The following BABAM2 variants were observed in gnomAD, a reference collection of about 807,000 sequenced individuals.
The protein encoded by BABAM2 is BRISC and BRCA1 A complex member 2.
Under a neutral mutation model 54.7 loss-of-function variants are expected in BABAM2, and 31 were observed. The ratio of observed to expected loss-of-function variants is 0.57; its 90% CI spans 0.43 to 0.77. The LOEUF (loss-of-function observed/expected upper bound fraction) is 0.77. Among genes scored for constraint, BABAM2 ranks in the 30% least tolerant of loss-of-function variants. The probability of loss-of-function intolerance (pLI) is 0.00; values close to 1 mark genes in which losing one functional copy is unlikely to be tolerated. For synonymous variants in BABAM2, 167 were observed against 162.9 expected, an observed-to-expected ratio of 1.03 and a Z score of -0.19; for missense variants, 364 against 455.8, an observed-to-expected ratio of 0.80 and a Z score of 1.83.
intron 10 of BABAM2, among the ~76,000 whole-genome samples, chr2:28,260,030 A>C (rs1054460856): frequency 1.3e-5 from 2 of 151,804 alleles, no homozygotes; most frequent in African/African-American, 4.8e-5. Flanking sequence ...CCTCTCAAGT[A>C]GCTGGGATTA....
chr2:27,924,688 A>G (rs1049895929), intron 2 of BABAM2, among the ~76,000 whole-genome samples: 3 of 152,104 alleles, frequency 2.0e-5, no homozygotes, highest in African/African-American at 7.2e-5. Context: ...CCCTGCCCCT[A>G]TGCTCTTTTT....
chr2:28,127,633 T>C (rs1166093105), intron 6 of BABAM2, among the ~76,000 whole-genome samples: 1 of 152,090 alleles, frequency 6.6e-6, no homozygotes, highest in African/African-American at 2.4e-5. Context: ...CATGTCACAC[T>C]CATCCATCTT....
chr2:27,900,595 T>A (rs940534140), intron 2 of BABAM2, among the ~76,000 whole-genome samples: 1 of 152,156 alleles, frequency 6.6e-6, no homozygotes, highest in Non-Finnish European at 1.5e-5. Context: ...AATGAATGAG[T>A]TAGATGTTTT....
At chr2:28,185,383 C>A (rs1676170041) in intron 7 of BABAM2, among the ~76,000 whole-genome samples, 1 of 152,172 alleles carries the variant, frequency 6.6e-6, no homozygotes. Context: ...GTGTTTTGAT[C>A]TTTAAAATCT....
intron 11 of BABAM2, among the ~76,000 whole-genome samples, chr2:28,307,315 A>T (rs779620639): frequency 5.3e-5 from 8 of 151,540 alleles, no homozygotes; most frequent in Non-Finnish European, 7.4e-5. Context: ...CCTTAATTGG[A>T]GTATTTCATT....
At chr2:28,141,729 C>G (rs556924651) in intron 7 of BABAM2, among the ~76,000 whole-genome samples, 1 of 152,146 alleles carries the variant, frequency 6.6e-6, no homozygotes, top group South Asian at 2.1e-4. Context: ...GCCCCTAGCT[C>G]TCAGATTTTC....
At chr2:27,932,991 A>G (rs889767034) in intron 3 of BABAM2, among the ~76,000 whole-genome samples, 3 of 152,070 alleles carry the variant, frequency 2.0e-5, no homozygotes, top group African/African-American at 4.8e-5. Context: ...ATTCACTATC[A>G]TTTAACGGGA....
At chr2:28,114,409 A>G (rs377713305) in intron 6 of BABAM2, among the ~76,000 whole-genome samples, 1 of 152,206 alleles carries the variant, frequency 6.6e-6, no homozygotes, top group Non-Finnish European at 1.5e-5. Flanking sequence ...TTCTCGGTAT[A>G]TAGAAACAAC....
chr2:28,333,042 C>T (rs72786762), intron 11 of BABAM2, among the ~76,000 whole-genome samples: 8,434 of 152,144 alleles, frequency 0.055, 308 homozygotes, highest in South Asian at 0.096. Flanking sequence ...GGCACACACG[C>T]GTTCTTCTGG....
chr2:27,922,763 G>T, intron 2 of BABAM2, among the ~76,000 whole-genome samples: 1 of 152,180 alleles, frequency 6.6e-6, no homozygotes, highest in African/African-American at 2.4e-5. Context: ...GAACACTGAT[G>T]AAATATAGTT....
At chr2:28,156,999 T>G (rs1356173555) in intron 7 of BABAM2, among the ~76,000 whole-genome samples, 2 of 152,206 alleles carry the variant, frequency 1.3e-5, no homozygotes, top group African/African-American at 4.8e-5. Context: ...AGAAAACAAA[T>G]GTATTGGTCT....
At chr2:28,267,919 A>G (rs1183971480) in intron 10 of BABAM2, among the ~76,000 whole-genome samples, 1 of 152,280 alleles carries the variant, frequency 6.6e-6, no homozygotes, top group Non-Finnish European at 1.5e-5. Context: ...AAGAAACCCA[A>G]AAACCCAAAT....
intron 11 of BABAM2, among the ~76,000 whole-genome samples, chr2:28,334,572 G>A (rs923598343): frequency 1.4e-4 from 21 of 152,266 alleles, no homozygotes; most frequent in African/African-American, 4.6e-4. Flanking sequence ...ACTCCACAGT[G>A]CACATCAGGC....
intron 10 of BABAM2, among the ~76,000 whole-genome samples, chr2:28,279,413 T>C (rs1686153419): frequency 6.6e-6 from 1 of 152,150 alleles, no homozygotes; most frequent in African/African-American, 2.4e-5. Flanking sequence ...AATGGCACAG[T>C]ATGAAACAAA....
chr2:27,983,619 T>C (rs1475436551), intron 3 of BABAM2, among the ~76,000 whole-genome samples: 1 of 152,088 alleles, frequency 6.6e-6, no homozygotes, highest in African/African-American at 2.4e-5. Flanking sequence ...TATTTAGGCC[T>C]TTTTTAATTT....
intron 7 of BABAM2, among the ~76,000 whole-genome samples, chr2:28,146,542 A>G (rs1671509024): frequency 6.6e-6 from 1 of 152,238 alleles, no homozygotes; most frequent in South Asian, 2.1e-4. Context: ...TCTGATAGAC[A>G]GTGAGCAAAA....
chr2:28,002,102 A>T (rs1673620612), intron 4 of BABAM2, among the ~76,000 whole-genome samples: 1 of 151,954 alleles, frequency 6.6e-6, no homozygotes, highest in African/African-American at 2.4e-5. Flanking sequence ...ATATAACAGT[A>T]AAGACCAGGG....
chr2:28,162,822 A>G (rs1673233179), intron 7 of BABAM2, among the ~76,000 whole-genome samples: 1 of 152,190 alleles, frequency 6.6e-6, no homozygotes, highest in South Asian at 2.1e-4. Context: ...TCCAACAGCA[A>G]TTATAGCCAC....
At position 28,045,785 on chromosome 2, in the gene BABAM2, A is replaced by G; in HGVS notation, c.556A>G (p.Thr186Ala). 6.2e-7 allele frequency: 1 copy of G among 1,608,556 alleles called. No individual in the cohort carries two copies. Among genetic ancestry groups the G allele is most frequent in the Non-Finnish European group, 8.5e-7 (1 of 1,176,452 alleles). ...KLPVDFSNIP[T>A]YLLKDVNEDP... ...GCCCGTAGATTTCAGCAATATCCCC[A>G]CATACCTTCTCAAGGTAAAAATATA... The change falls in exon 6 of 12, where the codon ACA becomes GCA. Residue 186 changes from threonine to alanine, a missense_variant. Coordinates refer to ENST00000379624, the MANE Select transcript of BABAM2 (RefSeq NM_199191.3).
Sources: allele counts gnomAD v4.1 joint callset (sites outside exome capture counted in the v4.1 genomes callset), GRCh38; gene constraint gnomAD v4.1.1; transcripts MANE v1.5; gene names NCBI Gene and HGNC (gene_info 2026-07-23, HGNC 2026-07-21).